Variants in REN observed in about 807,000 individuals in gnomAD.
REN encodes angiotensin-forming enzyme.
Under a neutral mutation model 48.6 loss-of-function variants are expected in REN, and 42 were observed. The ratio of observed to expected loss-of-function variants is 0.86; its 90% confidence interval spans 0.68 to 1.12. The LOEUF (loss-of-function observed/expected upper bound fraction) is 1.12, where lower values mean the gene tolerates loss of function less well. REN is among the 50% of genes most tolerant of loss of function. The probability of loss-of-function intolerance (pLI) is 0.00; values close to 1 mark genes in which losing one functional copy is unlikely to be tolerated. For synonymous variants in REN, 196 were observed against 204.6 expected (o/e 0.96, Z 0.36); for missense variants, 443 against 527.3 (o/e 0.84, Z 1.57).
Position 204,156,080 on chromosome 1 carries a change from C to T in REN, c.960+98G>A, listed in dbSNP as rs1317408321. On this transcript the variant is annotated intron_variant, in intron 8 of 9. Coordinates refer to ENST00000272190, the MANE Select transcript of REN (RefSeq NM_000537.4). This position sits in a 1 kb window ranked among gnomAD's most constrained non-coding sequence, Gnocchi z 4.2. ...GTGTGGAGAGTGTGAGGTGAACAAG[C>T]GAAGGCCTGAGATGGCCTCATTTGC... is the stretch of plus-strand genomic sequence containing the variant. 12 of 1,567,910 alleles carry T rather than the reference C, an allele frequency of 7.7e-6. No homozygotes were observed. Among genetic ancestry groups the T allele is most frequent in the African/African-American group, 1.4e-5 (1 of 73,838 alleles).
chr1:204,161,377 G>A lies in REN; in HGVS notation c.288C>T (p.Pro96=), dbSNP rs768328173. ...YYGEIGIGTP[P]QTFKVVFDTG... ...TGTCAAAGACGACTTTGAAGGTCTG[G>A]GGTGGGGTGCCGATGCCAATCTCGC... The change falls in exon 3 of 10, where the codon CCC becomes CCT. Residue 96 remains proline (P), a synonymous_variant. Coordinates refer to ENST00000272190, the MANE Select transcript of REN (RefSeq NM_000537.4). The A allele has an allele frequency of 1.2e-6, 2 of 1,604,144 alleles. No homozygotes were observed. The highest frequency in any genetic ancestry group is 1.3e-5 in the African/African-American group (1 of 74,662).
Position 204,155,041 on chromosome 1 carries a change from C to T in REN, c.1196G>A (p.Arg399His), listed in dbSNP as rs145852603. Residue 399 changes from arginine (R) to histidine (H), a missense_variant, in exon 10 of 10, where the codon CGC becomes CAC. Transcript: ENST00000272190. The stretch of plus-strand genomic sequence containing the variant: ...TCAGCGGGCCAAGGCGAAGCCAATG[C>T]GGTTGTTACGCCGATCAAACTCTGT... Reference protein sequence around the residue: ...FYTEFDRRNNRIGFALAR With the variant: ...FYTEFDRRNNHIGFALAR 2.5e-5 allele frequency: 41 copies of T among 1,614,012 alleles called. No homozygotes were observed. The highest frequency in any genetic ancestry group is 3.2e-5 in the Non-Finnish European group (38 of 1,180,050).
At chr1:204,164,500 C>G (rs1394990706) in intron 1 of REN, among the ~76,000 whole-genome samples, 1 of 151,346 alleles carries the variant, frequency 6.6e-6, no homozygotes, top group South Asian at 2.1e-4. Context: ...TCTGCTGTCC[C>G]CAGATTGAAA....
At chr1:204,161,205 G>A (rs1313798602) in intron 3 of REN, 87 bp downstream of exon 3, 1 of 1,432,400 alleles carries the variant, frequency 7.0e-7, no homozygotes, top group African/African-American at 1.4e-5. Context: ...GGTGGCAAGA[G>A]GGATGGGAGC....
chr1:204,161,190 C>A, intron 3 of REN, 102 bp downstream of exon 3: 1 of 1,329,390 alleles, frequency 7.5e-7, no homozygotes, highest in Non-Finnish European at 1.0e-6. Context: ...GGAAGCCACT[C>A]CCTTGGTGGC....
In REN at chr1:204,156,430, C is replaced by G; in HGVS notation, c.819-111G>C. On this transcript the variant is annotated intron_variant, in intron 7 of 9. Transcript: ENST00000272190. The surrounding 1 kb of genome is among the most constrained non-coding windows in gnomAD (Gnocchi z 4.2). The stretch of plus-strand genomic sequence containing the variant: ...TGTGGGTGGGTGGGTGGAGGCCACG[C>G]TGGTGGCCTGTTGAGGCAGTGAGTA... 5 of 1,458,640 alleles carry G rather than the reference C, an allele frequency of 3.4e-6. No individual in the cohort carries two copies. In the South Asian group the frequency reaches 5.9e-5, roughly 17 times the overall value. 90.4% of individuals were successfully genotyped at this position (1,458,640 alleles called of 1,614,324 possible).
At chr1:204,155,707 C>T in intron 9 of REN, 113 bp downstream of exon 9, 1 of 874,182 alleles carries the variant, frequency 1.1e-6, no homozygotes, top group South Asian at 1.4e-5. Flanking sequence ...ACATGCACAG[C>T]CAAGTTTGAG....
chr1:204,155,308 C>A, intron 9 of REN, 131 bp from the exon 10 acceptor site: 1 of 1,033,484 alleles, frequency 9.7e-7, no homozygotes, highest in Non-Finnish European at 1.5e-6. Flanking sequence ...CCACACTGGG[C>A]CTCCCTCACA....
intron 5 of REN, among the ~76,000 whole-genome samples, chr1:204,158,003 T>G (rs535218755): frequency 1.3e-5 from 2 of 152,148 alleles, no homozygotes; most frequent in South Asian, 2.1e-4. Context: ...TTTAATCTCT[T>G]TCTTTCCATT....
At chr1:204,158,411 C>CTT (rs576572389) in intron 5 of REN, among the ~76,000 whole-genome samples, 1,260 of 97,130 alleles carry the variant, frequency 0.013, 2 homozygotes, top group Non-Finnish European at 0.017. Flanking sequence ...ACCCTTGTGA[C>CTT]TTTTTTTTTT....
At position 204,156,206 on chromosome 1, in the gene REN, G is replaced by A. The variant is rs1377284248; in HGVS notation, c.932C>T (p.Ala311Val). 2 of 1,614,140 alleles carry A rather than the reference G, an allele frequency of 1.2e-6. No homozygotes were observed. Among genetic ancestry groups the A allele is most frequent in the East Asian group, 4.5e-5 (2 of 44,872 alleles). ...AAACAGCCTCTTCTTGGCTCCCAAGGCCTCCATGAGCTTCTCTATGGAGCT... is the reference window on the plus strand; with the variant it reads ...AAACAGCCTCTTCTTGGCTCCCAAGACCTCCATGAGCTTCTCTATGGAGCT... ...STSSIEKLME[A>V]LGAKKRLFDY... is the part of the protein sequence containing the mutation. The change falls in exon 8 of 10, where the codon GCC becomes GTC. Residue 311 changes from alanine (A) to valine (V), a missense_variant. Coordinates refer to ENST00000272190, the MANE Select transcript of REN (RefSeq NM_000537.4). This position sits in a 1 kb window ranked among gnomAD's most constrained non-coding sequence, Gnocchi z 4.2.
Position 204,159,463 on chromosome 1 carries a change from T to C in REN, c.625A>G (p.Ile209Val), listed in dbSNP as rs1658205257. The C allele has an allele frequency of 6.2e-7, 1 of 1,614,032 alleles. No homozygotes were observed. Among genetic ancestry groups the C allele is most frequent in the Non-Finnish European group, 8.5e-7 (1 of 1,180,048 alleles). ...CCTTGGGAGATGATGTTGTCGAAGA[T>C]AGGGGTGACCCTGCCAATGGCCTGT... is the stretch of plus-strand genomic sequence containing the variant. ...IEQAIGRVTP[I>V]FDNIISQGVL... The change falls in exon 5 of 10, where the codon ATC becomes GTC. Residue 209 changes from isoleucine to valine, a missense_variant. Coordinates refer to ENST00000272190, the MANE Select transcript of REN (RefSeq NM_000537.4).
intron 1 of REN, 81 bp downstream of exon 1, chr1:204,166,115 C>T (rs941131464): frequency 1.5e-4 from 171 of 1,131,958 alleles, no homozygotes; most frequent in East Asian, 6.3e-4. Context: ...TGAATGACAC[C>T]GCATGTGGAA....
intron 5 of REN, among the ~76,000 whole-genome samples, 199 bp from the exon 6 acceptor site, chr1:204,157,568 G>A (rs142004454): frequency 2.3e-4 from 35 of 152,312 alleles, no homozygotes; most frequent in African/African-American, 7.5e-4. Flanking sequence ...CTGGTGCCCC[G>A]TCTGGAGCTG....
Position 204,159,534 on chromosome 1 carries a change from A to G in REN, c.554T>C (p.Phe185Ser). 1.2e-6 allele frequency: 2 copies of G among 1,614,174 alleles called. No individual in the cohort carries two copies. The highest frequency in any genetic ancestry group is 1.7e-6 in the Non-Finnish European group (2 of 1,180,022). Residue 185 changes from phenylalanine (F) to serine (S), a missense_variant, in exon 5 of 10, where the codon TTC becomes TCC. Transcript: ENST00000272190. ...GEVTEMPALPFMLAEFDGVVG... is the reference protein window; with the variant it reads ...GEVTEMPALPSMLAEFDGVVG... ...AACCCCATCAAACTCGGCCAGCATG[A>G]AGGGTAAGGCGGGCATCTCCGTGAC...
At chr1:204,164,822 C>G (rs978373960) in intron 1 of REN, among the ~76,000 whole-genome samples, 5 of 152,030 alleles carry the variant, frequency 3.3e-5, no homozygotes, top group Non-Finnish European at 5.9e-5. Flanking sequence ...CCCACCTCAG[C>G]CTCTCAAAGT....
chr1:204,163,371 C>A (rs149046365), intron 1 of REN, among the ~76,000 whole-genome samples: 2 of 152,322 alleles, frequency 1.3e-5, no homozygotes, highest in East Asian at 3.9e-4. Context: ...CTTCCTATCA[C>A]AGGTTACTGT....
chr1:204,166,237 G>T lies in REN; in HGVS notation c.57C>A (p.Ser19=), dbSNP rs201228922. The change falls in exon 1 of 10, where the codon TCC becomes TCA. Residue 19 remains serine, a synonymous_variant. Coordinates refer to ENST00000272190, the MANE Select transcript of REN (RefSeq NM_000537.4). ...RWGLLLLLWG[S]CTFGLPTDTT... ...TGTCTGTCGGGAGACCAAAGGTACA[G>T]GAGCCCCAGAGCAGCAGCAGCAGTC... 4 of 1,614,210 alleles carry T rather than the reference G, an allele frequency of 2.5e-6. No homozygotes were observed. The highest frequency in any genetic ancestry group is 1.6e-4 in the Middle Eastern group (1 of 6,062).
chr1:204,166,232 G>T lies in REN; in HGVS notation c.62C>A (p.Thr21Asn), dbSNP rs1420333399. The T allele has an allele frequency of 6.2e-7, 1 of 1,614,034 alleles. No homozygotes were observed. Among genetic ancestry groups the T allele is most frequent in the Non-Finnish European group, 8.5e-7 (1 of 1,180,042 alleles). The change falls in exon 1 of 10, where the codon ACC (threonine) becomes AAC (asparagine). Residue 21 changes from threonine to asparagine, a missense_variant. Coordinates refer to ENST00000272190, the MANE Select transcript of REN (RefSeq NM_000537.4). Reference protein sequence around the residue: ...GLLLLLWGSCTFGLPTDTTTF... With the variant: ...GLLLLLWGSCNFGLPTDTTTF... The stretch of plus-strand genomic sequence containing the variant: ...GGTGGTGTCTGTCGGGAGACCAAAG[G>T]TACAGGAGCCCCAGAGCAGCAGCAG...
Sources: gnomAD v4.1 joint callset for allele counts (sites outside exome capture counted in the v4.1 genomes callset) on GRCh38, gnomAD v4.1.1 for gene constraint, Gnocchi (gnomAD v3.1) non-coding constraint, MANE v1.5 for transcripts, NCBI Gene and HGNC (gene_info 2026-07-23, HGNC 2026-07-21) for gene names.